Variants in KPNA7 observed in about 807,000 individuals in gnomAD.
KPNA7 encodes karyopherin subunit alpha 7.
KPNA7 carries 54 observed loss-of-function variants against 53.7 expected under a neutral mutation model. The ratio of observed to expected loss-of-function variants is 1.01; its 90% CI spans 0.81 to 1.26. The LOEUF (loss-of-function observed/expected upper bound fraction) is 1.26, where lower values mean the gene tolerates loss of function less well. KPNA7 is among the 50% of genes most tolerant of loss of function. The pLI is 0.00. For missense variants in KPNA7, 640 were observed against 644.5 expected, an observed-to-expected ratio of 0.99 and a Z score of 0.07; for synonymous variants, 276 against 259.3, an observed-to-expected ratio of 1.06 and a Z score of -0.62.
chr7:99,158,794 A>T, the KPNA7 span, among the ~76,000 whole-genome samples: 1 of 151,750 alleles, frequency 6.6e-6, no homozygotes, highest in Non-Finnish European at 1.5e-5. Flanking sequence ...GAGCTACCAC[A>T]CTCAGCCCAG....
chr7:99,172,910 G>A (rs186500133), downstream of KPNA7, among the ~76,000 whole-genome samples: 6 of 151,626 alleles, frequency 4.0e-5, no homozygotes, highest in African/African-American at 1.5e-4. Context: ...CAAAAATACA[G>A]AAATTAGCCC....
chr7:99,171,822 A>G (rs1798776651), downstream of KPNA7, among the ~76,000 whole-genome samples: 1 of 152,174 alleles, frequency 6.6e-6, no homozygotes, highest in South Asian at 2.1e-4. Flanking sequence ...TGACCCAGGA[A>G]AAGTGAGTGG....
At chr7:99,146,512 G>A in the KPNA7 span, among the ~76,000 whole-genome samples, 1 of 151,978 alleles carries the variant, frequency 6.6e-6, no homozygotes, top group Non-Finnish European at 1.5e-5. Flanking sequence ...GCAGGAGTTC[G>A]AGACCAGCCT....
intron 1 of KPNA7, among the ~76,000 whole-genome samples, chr7:99,217,341 A>G (rs981735620): frequency 5.3e-5 from 8 of 152,266 alleles, no homozygotes; most frequent in African/African-American, 1.2e-4. Context: ...TGATATCTGT[A>G]TGTTCAGATC....
intron 7 of KPNA7, among the ~76,000 whole-genome samples, chr7:99,186,602 GTGTGGTGGT>G (rs1339733468): frequency 6.6e-6 from 1 of 152,070 alleles, no homozygotes; most frequent in Non-Finnish European, 1.5e-5. Context: ...AATTAGCTGG[GTGTGGTGGT>G]GCACACCTGT....
At chr7:99,194,851 C>T (rs1226215569) in intron 5 of KPNA7, among the ~76,000 whole-genome samples, 4 of 152,064 alleles carry the variant, frequency 2.6e-5, no homozygotes, top group East Asian at 1.9e-4. Flanking sequence ...GTGATCCGTC[C>T]GCCTTGGCCT....
chr7:99,185,183 G>A (rs1243124256), intron 7 of KPNA7, 21 bp from the exon 8 acceptor site: 1 of 1,506,340 alleles, frequency 6.6e-7, no homozygotes, highest in East Asian at 2.5e-5. Context: ...AAGGCTAGAA[G>A]TCTAAGTATT....
At chr7:99,186,601 G>A (rs1584278484) in intron 7 of KPNA7, among the ~76,000 whole-genome samples, 2 of 151,958 alleles carry the variant, frequency 1.3e-5, no homozygotes, top group African/African-American at 4.8e-5. Context: ...AAATTAGCTG[G>A]GTGTGGTGGT....
At chr7:99,180,575 C>T (rs56132062) in intron 9 of KPNA7, among the ~76,000 whole-genome samples, 72,590 of 136,844 alleles carry the variant, frequency 0.53, 22,219 homozygotes, top group East Asian at 0.69. Context: ...GTCCATCTGT[C>T]TCTGTCCATC....
chr7:99,153,607 A>C, the KPNA7 span, among the ~76,000 whole-genome samples: 11 of 152,008 alleles, frequency 7.2e-5, no homozygotes, highest in Non-Finnish European at 8.8e-5. Context: ...GTGTCCAAAA[A>C]CAGACTTTGG....
intron 3 of KPNA7, among the ~76,000 whole-genome samples, chr7:99,197,352 C>G (rs892630532): frequency 2.6e-5 from 4 of 152,174 alleles, no homozygotes; most frequent in Non-Finnish European, 5.9e-5. Context: ...CCAGCAACAA[C>G]AGCAAACCCT....
chr7:99,218,762 G>A (rs1791274520), intron 1 of KPNA7, among the ~76,000 whole-genome samples: 1 of 152,226 alleles, frequency 6.6e-6, no homozygotes. Context: ...GGCCCCCAGA[G>A]GCACCTCCGT....
chr7:99,185,858 T>C (rs1439073747), intron 7 of KPNA7, among the ~76,000 whole-genome samples: 2 of 152,186 alleles, frequency 1.3e-5, no homozygotes, highest in Admixed American at 1.3e-4. Flanking sequence ...TGGTACGATT[T>C]TGGTTGTCAC....
In KPNA7 at chr7:99,197,898, G is replaced by A. The variant is rs1443106878; in HGVS notation, c.202-1732C>T. ...AATAGGAAGGAGAAGAGGGAAAGAG[G>A]CAGAAAGTATATTTAAAGAGATAAT... is the stretch of plus-strand genomic sequence containing the variant. On this transcript the variant is annotated intron_variant, in intron 3 of 10. Coordinates refer to ENST00000327442, the MANE Select transcript of KPNA7 (RefSeq NM_001145715.3). Among the ~76,000 whole-genome samples the A allele has an allele frequency of 5.9e-5, 9 of 151,474 alleles. No individual in the cohort carries two copies. The East Asian group carries it at 1.7e-3, about 29-fold the overall frequency.
chr7:99,218,069 G>T (rs1336062137), intron 1 of KPNA7, among the ~76,000 whole-genome samples: 1 of 152,036 alleles, frequency 6.6e-6, no homozygotes, highest in Non-Finnish European at 1.5e-5. Context: ...AAGTGATCTC[G>T]GCTCACTGCA....
chr7:99,188,196 A>AAAAGC (rs386410804), intron 7 of KPNA7, 104 bp downstream of exon 7: 1 of 972,986 alleles, frequency 1.0e-6, no homozygotes, highest in Non-Finnish European at 1.4e-6. Context: ...AAAAAAAAAA[A>AAAAGC]AAGCAAAGAC....
intron 4 of KPNA7, 126 bp downstream of exon 4, chr7:99,195,958 C>G (rs1790208764): frequency 1.4e-6 from 1 of 732,556 alleles, no homozygotes. Flanking sequence ...ATGGGCTAGC[C>G]TTTTCCTGTG....
chr7:99,158,922 C>T, the KPNA7 span, among the ~76,000 whole-genome samples: 3 of 151,686 alleles, frequency 2.0e-5, no homozygotes, highest in East Asian at 1.9e-4. Context: ...TGGAGTGTAG[C>T]GGTACAATCT....
At chr7:99,192,606 C>CA (rs1230451162) in intron 6 of KPNA7, among the ~76,000 whole-genome samples, 1 of 152,036 alleles carries the variant, frequency 6.6e-6, no homozygotes, top group African/African-American at 2.4e-5. Flanking sequence ...AGCATGGTCT[C>CA]ACTATGTTGC....
Sources: allele counts gnomAD v4.1 joint callset (sites outside exome capture counted in the v4.1 genomes callset), GRCh38; gene constraint gnomAD v4.1.1; transcripts MANE v1.5; gene names NCBI Gene and HGNC (gene_info 2026-07-23, HGNC 2026-07-21).